Variants in RNF220 observed in about 807,000 individuals in gnomAD.
RNF220 encodes the protein E3 ubiquitin-protein ligase RNF220.
RNF220 carries 7 observed loss-of-function variants against 67.1 expected under a neutral mutation model. The observed-to-expected ratio is 0.10, with a 90% CI of 0.06 to 0.20. The LOEUF (loss-of-function observed/expected upper bound fraction) is 0.20, where lower values mean the gene tolerates loss of function less well. RNF220 is among the 10% of genes least tolerant of loss of function. RNF220 has a pLI of 1.00. For missense variants in RNF220, 565 were observed against 740.3 expected, an observed-to-expected ratio of 0.76 and a Z score of 2.75; for synonymous variants, 270 against 283.2, an observed-to-expected ratio of 0.95 and a Z score of 0.47.
intron 6 of RNF220, among the ~76,000 whole-genome samples, chr1:44,634,478 A>G (rs889824385): frequency 3.3e-5 from 5 of 152,220 alleles, no homozygotes; most frequent in East Asian, 1.9e-4. Context: ...CCCCTCCTAG[A>G]TTGCATTCAT....
At position 44,650,100 on chromosome 1, in the gene RNF220, G is replaced by A; in HGVS notation, c.1629+143G>A. ...CCAGGAGCCAGGATATTTACCCGCA[G>A]GATATTTACCCCCAGGCTCGCTGCC... On this transcript the variant is annotated intron_variant, in intron 14 of 14. Transcript: ENST00000361799. This position sits in a 1 kb window ranked among gnomAD's most constrained non-coding sequence, Gnocchi z 4.3. The A allele has an allele frequency of 1.2e-6, 1 of 862,014 alleles. No individual in the cohort carries two copies. Among genetic ancestry groups the A allele is most frequent in the Non-Finnish European group, 1.8e-6 (1 of 565,252 alleles). 53.4% of individuals were successfully genotyped at this position (862,014 alleles called of 1,614,324 possible).
chr1:44,446,015 A>G (rs1652047677), intron 2 of RNF220, among the ~76,000 whole-genome samples: 1 of 152,192 alleles, frequency 6.6e-6, no homozygotes, highest in African/African-American at 2.4e-5. Context: ...TAGACTGTAA[A>G]TTCCTTGAGG....
intron 2 of RNF220, among the ~76,000 whole-genome samples, chr1:44,544,113 G>T (rs1346264767): frequency 6.6e-6 from 1 of 152,196 alleles, no homozygotes; most frequent in Non-Finnish European, 1.5e-5. Flanking sequence ...GCAAGAGGTC[G>T]GGAGGACCAC....
At chr1:44,559,420 G>C (rs1032527231) in intron 2 of RNF220, among the ~76,000 whole-genome samples, 2 of 152,250 alleles carry the variant, frequency 1.3e-5, no homozygotes, top group African/African-American at 2.4e-5. Context: ...TAAGTGAAGA[G>C]CAAACCCGCA....
At chr1:44,483,104 T>C (rs1655981361) in intron 2 of RNF220, among the ~76,000 whole-genome samples, 1 of 151,868 alleles carries the variant, frequency 6.6e-6, no homozygotes, top group Admixed American at 6.6e-5. Context: ...CTACTTTTTC[T>C]ATGTTTTGTA....
chr1:44,487,064 G>T (rs1656371689), intron 2 of RNF220, among the ~76,000 whole-genome samples: 1 of 152,180 alleles, frequency 6.6e-6, no homozygotes. Context: ...TCCAGGTGCG[G>T]TGGCTCACAC....
intron 2 of RNF220, among the ~76,000 whole-genome samples, chr1:44,594,952 T>C (rs1350631083): frequency 6.6e-6 from 1 of 152,100 alleles, no homozygotes; most frequent in African/African-American, 2.4e-5. Flanking sequence ...TTTAAAGACA[T>C]AGGAGTGAGG....
intron 2 of RNF220, among the ~76,000 whole-genome samples, chr1:44,550,619 T>C (rs1662551748): frequency 6.6e-6 from 1 of 152,148 alleles, no homozygotes; most frequent in African/African-American, 2.4e-5. Context: ...AGTAGGAACC[T>C]CTCTACAATA....
intron 2 of RNF220, among the ~76,000 whole-genome samples, chr1:44,567,533 A>C (rs1162634627): frequency 6.6e-6 from 1 of 152,042 alleles, no homozygotes; most frequent in Non-Finnish European, 1.5e-5. Context: ...AGCATTTCTC[A>C]AGCGATCTTG....
At chr1:44,504,705 C>G (rs1290944617) in intron 2 of RNF220, among the ~76,000 whole-genome samples, 1 of 152,186 alleles carries the variant, frequency 6.6e-6, no homozygotes, top group African/African-American at 2.4e-5. Context: ...GATCCCAGCA[C>G]CTGTGTCTCA....
chr1:44,614,021 TG>T, intron 2 of RNF220, 143 bp from the exon 3 acceptor site: 1 of 975,806 alleles, frequency 1.0e-6, no homozygotes, highest in Non-Finnish European at 1.5e-6. Flanking sequence ...GGGGTGCTCG[TG>T]GGCTCTGAAA....
At chr1:44,451,199 A>G (rs1301678707) in intron 2 of RNF220, among the ~76,000 whole-genome samples, 2 of 152,038 alleles carry the variant, frequency 1.3e-5, no homozygotes, top group Non-Finnish European at 2.9e-5. Context: ...AAAAAGAAAA[A>G]AAAAAAAAAG....
chr1:44,438,935 C>T (rs1000912227), intron 2 of RNF220, among the ~76,000 whole-genome samples: 2 of 152,194 alleles, frequency 1.3e-5, no homozygotes, highest in African/African-American at 2.4e-5. Context: ...CATAAATCTC[C>T]ATCACCATCA....
intron 2 of RNF220, among the ~76,000 whole-genome samples, chr1:44,507,417 G>A (rs544925484): frequency 1.3e-5 from 2 of 152,186 alleles, no homozygotes; most frequent in South Asian, 2.1e-4. Context: ...TGAACAAAGT[G>A]GAGAACCTGG....
chr1:44,636,201 C>T, intron 8 of RNF220, 39 bp downstream of exon 8: 1 of 1,573,374 alleles, frequency 6.4e-7, no homozygotes, highest in African/African-American at 1.3e-5. Context: ...CACTCTGGTG[C>T]CAGGCCTCTG....
chr1:44,491,853 G>T (rs184176319), intron 2 of RNF220, among the ~76,000 whole-genome samples: 1 of 152,100 alleles, frequency 6.6e-6, no homozygotes, highest in Non-Finnish European at 1.5e-5. Context: ...TAGTGGAGAT[G>T]AGGTCTTGCC....
intron 8 of RNF220, among the ~76,000 whole-genome samples, chr1:44,640,426 C>T (rs1288388835): frequency 6.6e-6 from 1 of 152,172 alleles, no homozygotes; most frequent in African/African-American, 2.4e-5. Context: ...GGAGAGGTGG[C>T]AAGGAGCAAG....
intron 2 of RNF220, among the ~76,000 whole-genome samples, chr1:44,486,565 G>T (rs898607853): frequency 6.6e-6 from 1 of 152,152 alleles, no homozygotes; most frequent in Non-Finnish European, 1.5e-5. Context: ...AATCAGGCTG[G>T]TTTTTTATCA....
In RNF220 at chr1:44,626,534, C is replaced by G. The variant is rs1573097152; in HGVS notation, c.906+136C>G. 3.3e-5 allele frequency: 22 copies of G among 667,394 alleles called. No individual in the cohort carries two copies. In the East Asian group the frequency reaches 5.9e-4, roughly 18 times the overall value. 41.3% of individuals were successfully genotyped at this position (667,394 alleles called of 1,614,324 possible). On this transcript the variant is annotated intron_variant, in intron 5 of 14. Transcript: ENST00000361799. The stretch of plus-strand genomic sequence containing the variant: ...GAACTGGGTTTGGTTCCCCCTGTGT[C>G]CCGTGCCCCTAAGTGAACTCAGGAG...
Sources: allele counts gnomAD v4.1 joint callset (sites outside exome capture counted in the v4.1 genomes callset), GRCh38; gene constraint gnomAD v4.1.1; non-coding constraint Gnocchi (gnomAD v3.1); transcripts MANE v1.5; gene names NCBI Gene and HGNC (gene_info 2026-07-23, HGNC 2026-07-21).